MACROD2: variants seen among roughly 807,000 people sequenced by gnomAD.
The protein encoded by MACROD2 is ADP-ribose glycohydrolase MACROD2.
A neutral mutation model predicts 70.4 loss-of-function variants in MACROD2; 36 were observed. The observed-to-expected ratio is 0.51, with a 90% CI of 0.39 to 0.68. The LOEUF (loss-of-function observed/expected upper bound fraction) is 0.68, where lower values mean the gene tolerates loss of function less well. Ranked by LOEUF, MACROD2 falls within the 30% of genes least tolerant of loss-of-function variation. MACROD2 has a pLI of 0.00. For missense variants in MACROD2, 496 were observed against 538.4 expected, an observed-to-expected ratio of 0.92 and a Z score of 0.78; for synonymous variants, 172 against 178.8, an observed-to-expected ratio of 0.96 and a Z score of 0.30.
intron 5 of MACROD2, among the ~76,000 whole-genome samples, chr20:15,033,149 G>T (rs1190690837): frequency 6.6e-6 from 1 of 152,178 alleles, no homozygotes; most frequent in Non-Finnish European, 1.5e-5. Flanking sequence ...ATGGATAGTG[G>T]TGATGGTTGC....
At chr20:15,867,972 T>G (rs1255460209) in intron 9 of MACROD2, among the ~76,000 whole-genome samples, 1 of 152,162 alleles carries the variant, frequency 6.6e-6, no homozygotes, top group Non-Finnish European at 1.5e-5. Context: ...GAGAGGTTAC[T>G]GTGCTCTAGT....
chr20:15,953,404 A>G (rs1447176545), intron 12 of MACROD2, among the ~76,000 whole-genome samples: 1 of 152,156 alleles, frequency 6.6e-6, no homozygotes, highest in Admixed American at 6.6e-5. Flanking sequence ...AATGTTCCAG[A>G]TGATGGATAT....
chr20:14,699,144 A>G (rs1600555923), intron 5 of MACROD2, among the ~76,000 whole-genome samples: 1 of 152,306 alleles, frequency 6.6e-6, no homozygotes, highest in East Asian at 1.9e-4. Context: ...TGCCTAATGA[A>G]AAGCTCATGA....
chr20:14,887,447 C>T (rs1334541297), intron 5 of MACROD2, among the ~76,000 whole-genome samples: 1 of 149,648 alleles, frequency 6.7e-6, no homozygotes, highest in African/African-American at 2.5e-5. Flanking sequence ...GGCTCAAGTG[C>T]AGTGGCATGA....
At chr20:15,307,080 A>G (rs1600223902) in intron 6 of MACROD2, among the ~76,000 whole-genome samples, 1 of 152,172 alleles carries the variant, frequency 6.6e-6, no homozygotes, top group Admixed American at 6.5e-5. Context: ...CCACCCCATG[A>G]CCCAAACACC....
At position 15,987,150 on chromosome 20, in the gene MACROD2, G is replaced by A. The variant is rs147212262; in HGVS notation, c.1145G>A (p.Gly382Asp). The change falls in exon 15 of 18, where the codon GGT becomes GAT. Residue 382 changes from glycine to aspartate, a missense_variant. Gly to Asp is a moderately conservative substitution (Grantham distance 94). Coordinates refer to ENST00000684519, the MANE Select transcript of MACROD2 (RefSeq NM_001351661.2). ...PLTEDQEEKE[G>D]EKAPGEDTPR... ...ACAGAGGACCAAGAAGAAAAAGAAGGTGAAAAAGGTAGGACTGCTCTTAAA... is the reference window on the plus strand; with the variant it reads ...ACAGAGGACCAAGAAGAAAAAGAAGATGAAAAAGGTAGGACTGCTCTTAAA... 6.2e-4 allele frequency: 1,001 copies of A among 1,608,920 alleles called. No homozygotes were observed. Among genetic ancestry groups the A allele is most frequent in the Non-Finnish European group, 7.9e-4 (932 of 1,178,556 alleles).
intron 4 of MACROD2, among the ~76,000 whole-genome samples, chr20:14,534,161 G>T (rs2123214466): frequency 6.6e-6 from 1 of 152,262 alleles, no homozygotes; most frequent in East Asian, 1.9e-4. Flanking sequence ...AGCTGTGAAA[G>T]CCTAAAACAC....
chr20:15,022,323 G>A (rs2075194242), intron 5 of MACROD2, among the ~76,000 whole-genome samples: 2 of 152,074 alleles, frequency 1.3e-5, no homozygotes, highest in South Asian at 4.1e-4. Context: ...CCAATTCACG[G>A]TCTGAAGTAT....
At chr20:14,014,398 G>A (rs538329412) in intron 2 of MACROD2, among the ~76,000 whole-genome samples, 1 of 152,140 alleles carries the variant, frequency 6.6e-6, no homozygotes, top group Non-Finnish European at 1.5e-5. Context: ...TTTAAAACAA[G>A]AATTTAAGTA....
At chr20:14,005,528 G>A (rs2052803082) in intron 2 of MACROD2, among the ~76,000 whole-genome samples, 1 of 152,008 alleles carries the variant, frequency 6.6e-6, no homozygotes, top group African/African-American at 2.4e-5. Context: ...TTATGGGTTG[G>A]TGGGGCTTAA....
At chr20:14,629,062 C>T (rs529115346) in intron 4 of MACROD2, among the ~76,000 whole-genome samples, 8 of 152,244 alleles carry the variant, frequency 5.3e-5, no homozygotes, top group South Asian at 2.1e-4. Flanking sequence ...ATATGCATCA[C>T]GGCCGTAGGA....
intron 5 of MACROD2, among the ~76,000 whole-genome samples, chr20:14,902,608 G>C (rs2073909161): frequency 6.6e-6 from 1 of 152,150 alleles, no homozygotes; most frequent in Non-Finnish European, 1.5e-5. Context: ...TTTGTGGTCA[G>C]GGTTGCCAAA....
At chr20:14,389,401 G>A (rs371209604) in intron 3 of MACROD2, among the ~76,000 whole-genome samples, 3 of 122,054 alleles carry the variant, frequency 2.5e-5, no homozygotes, top group East Asian at 5.1e-4. Flanking sequence ...TGACCTGGGC[G>A]ACAGGGCGAG....
chr20:15,174,716 T>C (rs2076446939), intron 5 of MACROD2, among the ~76,000 whole-genome samples: 1 of 152,260 alleles, frequency 6.6e-6, no homozygotes, highest in Non-Finnish European at 1.5e-5. Context: ...TGAGATGGTA[T>C]CTCACTGTGG....
chr20:15,983,679 A>G (rs1303993670), intron 13 of MACROD2, among the ~76,000 whole-genome samples: 2 of 152,184 alleles, frequency 1.3e-5, no homozygotes, highest in African/African-American at 4.8e-5. Flanking sequence ...AAGAGCTACC[A>G]CGCAGCCTAC....
At chr20:14,773,503 A>G (rs979885179) in intron 5 of MACROD2, among the ~76,000 whole-genome samples, 1 of 152,116 alleles carries the variant, frequency 6.6e-6, no homozygotes, top group Non-Finnish European at 1.5e-5. Context: ...TTCACTTAGC[A>G]TAATGTCCTG....
At chr20:15,741,949 T>A (rs2051112263) in intron 8 of MACROD2, among the ~76,000 whole-genome samples, 1 of 152,174 alleles carries the variant, frequency 6.6e-6, no homozygotes, top group Non-Finnish European at 1.5e-5. Context: ...GTTGATTGAT[T>A]TTGCCTTGAG....
At chr20:15,853,768 C>A (rs371943384) in intron 8 of MACROD2, among the ~76,000 whole-genome samples, 5 of 152,156 alleles carry the variant, frequency 3.3e-5, no homozygotes, top group African/African-American at 9.7e-5. Flanking sequence ...TTGATTTTAG[C>A]CTGTAACACC....
chr20:14,269,814 T>A (rs1472423246), intron 3 of MACROD2, among the ~76,000 whole-genome samples: 1 of 151,852 alleles, frequency 6.6e-6, no homozygotes, highest in Non-Finnish European at 1.5e-5. Context: ...GTTTTTTTTT[T>A]ATCATGTTGA....
Sources: allele counts gnomAD v4.1 joint callset (sites outside exome capture counted in the v4.1 genomes callset), GRCh38; gene constraint gnomAD v4.1.1; transcripts MANE v1.5; gene names NCBI Gene and HGNC (gene_info 2026-07-23, HGNC 2026-07-21).